Variants in PRDM16 observed in about 807,000 individuals in gnomAD.
PRDM16 encodes PR/SET domain 16, also known as histone-lysine N-methyltransferase PRDM16.
In PRDM16, 23 loss-of-function variants were observed where a neutral mutation model predicts 110.6. That is an observed-to-expected ratio of 0.21 (90% confidence interval 0.15 to 0.29). PRDM16 has a LOEUF of 0.29. Among genes scored for constraint, PRDM16 ranks in the 10% least tolerant of loss-of-function variants. The pLI, the probability that PRDM16 is intolerant of heterozygous loss-of-function variation, is 1.00. For missense variants in PRDM16, 1,615 were observed against 1,794.3 expected (o/e 0.90, Z 1.81); for synonymous variants, 799 against 781.8 (o/e 1.02, Z -0.37).
At chr1:3,072,131 C>A (rs1006428903) in intron 1 of PRDM16, among the ~76,000 whole-genome samples, 1 of 151,966 alleles carries the variant, frequency 6.6e-6, no homozygotes, top group Non-Finnish European at 1.5e-5. Context: ...GGGACAGGGT[C>A]CCCCCTACTG....
intron 1 of PRDM16, among the ~76,000 whole-genome samples, chr1:3,149,286 G>C (rs1643734094): frequency 6.6e-6 from 1 of 152,218 alleles, no homozygotes; most frequent in African/African-American, 2.4e-5. Flanking sequence ...TCCTCCTGAA[G>C]AAGATGAAGC....
Position 3,097,238 on chromosome 1 carries a change from C to T in PRDM16, c.37+27942C>T, listed in dbSNP as rs1440263841. On this transcript the variant is annotated intron_variant, in intron 1 of 16. Coordinates refer to ENST00000270722, the MANE Select transcript of PRDM16 (RefSeq NM_022114.4). ...TGTGTACAAAAGTTTTGGTCTCTGA[C>T]GGGTCATCTGTTGTCCGTGTGACCT... 2.0e-5 allele frequency among the ~76,000 whole-genome samples: 3 copies of T among 152,162 alleles called. No homozygotes were observed. The South Asian group carries it at 6.2e-4, about 31-fold the overall frequency.
intron 1 of PRDM16, among the ~76,000 whole-genome samples, chr1:3,097,774 G>A (rs987542753): frequency 3.9e-5 from 6 of 152,156 alleles, no homozygotes; most frequent in Non-Finnish European, 8.8e-5. Context: ...GTGAGGGGGC[G>A]GGAGGCAGCG....
At chr1:3,107,570 T>C (rs1407826981) in intron 1 of PRDM16, among the ~76,000 whole-genome samples, 1 of 152,246 alleles carries the variant, frequency 6.6e-6, no homozygotes, top group Non-Finnish European at 1.5e-5. Context: ...AGCTGCTGGT[T>C]AACTTCTCTG....
chr1:3,190,929 G>A lies in PRDM16; in HGVS notation c.387+4455G>A, dbSNP rs967276846. Among the ~76,000 whole-genome samples, 48 of 152,280 alleles carry A rather than the reference G, an allele frequency of 3.2e-4. No individual in the cohort carries two copies. Among genetic ancestry groups the A allele is most frequent in the African/African-American group, 1.1e-3 (46 of 41,574 alleles). On this transcript the variant is annotated intron_variant, in intron 2 of 16. Transcript: ENST00000270722. The surrounding 1 kb of genome is among the most constrained non-coding windows in gnomAD (Gnocchi z 5.0). Reference sequence around the variant, plus strand: ...GGCACTGGGGAGGCCACCTGCCCCCGGCTGGGCCTTCAGCTGTGTGTCCAG... The same window carrying A: ...GGCACTGGGGAGGCCACCTGCCCCCAGCTGGGCCTTCAGCTGTGTGTCCAG...
At chr1:3,287,233 C>T (rs970432828) in intron 3 of PRDM16, among the ~76,000 whole-genome samples, 2 of 151,552 alleles carry the variant, frequency 1.3e-5, no homozygotes, top group Admixed American at 6.6e-5. Context: ...CCCAGCCACG[C>T]GGGCATCCAG....
intron 2 of PRDM16, among the ~76,000 whole-genome samples, chr1:3,196,809 C>T (rs150400685): frequency 3.0e-3 from 451 of 152,346 alleles, no homozygotes; most frequent in African/African-American, 0.011. Flanking sequence ...TCCTCCCCTA[C>T]CCATGGGAGC....
chr1:3,297,227 G>C (rs181716057), intron 3 of PRDM16, among the ~76,000 whole-genome samples: 46 of 151,830 alleles, frequency 3.0e-4, no homozygotes, highest in African/African-American at 1.1e-3. Context: ...TGTCCATTTC[G>C]GGTGAGACCC....
chr1:3,409,327 C>G (rs772111347), intron 8 of PRDM16, among the ~76,000 whole-genome samples: 2 of 152,068 alleles, frequency 1.3e-5, no homozygotes, highest in Non-Finnish European at 2.9e-5. Context: ...GGGGTATTTA[C>G]AGACCCTCCC....
chr1:3,270,897 G>T (rs1426734043), intron 3 of PRDM16, among the ~76,000 whole-genome samples: 1 of 151,790 alleles, frequency 6.6e-6, no homozygotes, highest in African/African-American at 2.4e-5. Context: ...CCGTTGGGAG[G>T]AGGGCAGTAC....
chr1:3,096,620 G>T (rs1038876508), intron 1 of PRDM16, among the ~76,000 whole-genome samples: 2 of 152,154 alleles, frequency 1.3e-5, no homozygotes, highest in Non-Finnish European at 2.9e-5. Flanking sequence ...GTGTTGAAAG[G>T]TCGTGAGGGA....
At chr1:3,072,669 T>C (rs969903311) in intron 1 of PRDM16, among the ~76,000 whole-genome samples, 2 of 152,132 alleles carry the variant, frequency 1.3e-5, no homozygotes, top group African/African-American at 4.8e-5. Flanking sequence ...CCTGGGGCAG[T>C]TGGCCCCGTC....
chr1:3,425,507 C>A lies in PRDM16; in HGVS notation c.2940-74C>A, dbSNP rs545936255. 10 of 1,501,274 alleles carry A rather than the reference C, an allele frequency of 6.7e-6. No individual in the cohort carries two copies. In the Admixed American group the frequency reaches 1.1e-4, roughly 17 times the overall value. 93.0% of individuals were successfully genotyped at this position (1,501,274 alleles called of 1,614,324 possible). On this transcript the variant is annotated intron_variant, in intron 12 of 16. Transcript: ENST00000270722. The surrounding 1 kb of genome is among the most constrained non-coding windows in gnomAD (Gnocchi z 6.9). ...ACGGGGCAGGGGCGCGGGCTCCCTT[C>A]CCCCCACCCTCTGTGGCCCGGCCTG...
At chr1:3,373,798 G>A (rs950310876) in intron 3 of PRDM16, among the ~76,000 whole-genome samples, 9 of 152,356 alleles carry the variant, frequency 5.9e-5, no homozygotes, top group Admixed American at 3.3e-4. Context: ...CCCAGCCAAC[G>A]CGTGCTGCCC....
intron 1 of PRDM16, among the ~76,000 whole-genome samples, chr1:3,126,746 G>T (rs536004457): frequency 5.3e-5 from 8 of 152,336 alleles, no homozygotes; most frequent in Admixed American, 2.0e-4. Context: ...TCCCCACTGG[G>T]CCTGGGACAA....
chr1:3,234,046 G>A (rs752114007), intron 2 of PRDM16, among the ~76,000 whole-genome samples: 5 of 152,076 alleles, frequency 3.3e-5, no homozygotes, highest in African/African-American at 9.7e-5. Context: ...GCTCCTTGAC[G>A]CTCCCACCAG....
chr1:3,185,782 TC>T (rs1315859133), intron 1 of PRDM16, among the ~76,000 whole-genome samples: 1 of 152,224 alleles, frequency 6.6e-6, no homozygotes, highest in Non-Finnish European at 1.5e-5. Flanking sequence ...GGCAGCTCCT[TC>T]CCTAGTTCCC....
chr1:3,239,036 G>A (rs962975238), intron 2 of PRDM16, among the ~76,000 whole-genome samples: 1 of 152,250 alleles, frequency 6.6e-6, no homozygotes, highest in Non-Finnish European at 1.5e-5. Context: ...CCCAAAAAAT[G>A]ACCCGCTGCT....
At chr1:3,405,743 T>A in intron 8 of PRDM16, 95 bp downstream of exon 8, 2 of 1,310,930 alleles carry the variant, frequency 1.5e-6, no homozygotes, top group Non-Finnish European at 1.0e-6. Flanking sequence ...TCTCCCCCGA[T>A]CCGAGGGGCC....
Sources: allele counts gnomAD v4.1 joint callset (sites outside exome capture counted in the v4.1 genomes callset), GRCh38; gene constraint gnomAD v4.1.1; non-coding constraint Gnocchi (gnomAD v3.1); transcripts MANE v1.5; gene names NCBI Gene and HGNC (gene_info 2026-07-23, HGNC 2026-07-21).